The following ZFHX3 variants were observed in gnomAD, a reference collection of about 807,000 sequenced individuals.
ZFHX3 encodes zinc finger homeobox 3.
Under a neutral mutation model 279.1 loss-of-function variants are expected in ZFHX3, and 42 were observed. The observed-to-expected ratio is 0.15, with a 90% CI of 0.12 to 0.19. ZFHX3 has a LOEUF of 0.19. ZFHX3 is among the 10% of genes least tolerant of loss of function. The pLI is 1.00. For missense variants in ZFHX3, 4,981 were observed against 4,754.0 expected (o/e 1.05, Z -1.40); for synonymous variants, 2,293 against 1,957.8 (o/e 1.17, Z -4.52).
In ZFHX3 at chr16:72,788,735, G is replaced by A. The variant is rs145709080; in HGVS notation, c.9541C>T (p.Pro3181Ser). 1 of 1,599,470 alleles carries A rather than the reference G, an allele frequency of 6.3e-7. No homozygotes were observed. The highest frequency in any genetic ancestry group is 1.3e-5 in the African/African-American group (1 of 74,174). The stretch of plus-strand genomic sequence containing the variant: ...GCCATCGTGGCTTGTGCTGGGGTTG[G>A]GGAGCTCAGCGACGCTGAGGACGGT... ...NKPSSASLSS[P>S]TPAQATMAMG... Residue 3181 changes from proline to serine, a missense_variant, in exon 10 of 10, where the codon CCA becomes TCA. Around this residue, in one of 7 missense-constraint regions of ZFHX3, gnomAD observed 1,034 missense variants for 786.0 expected, o/e 1.32. Coordinates refer to ENST00000268489, the MANE Select transcript of ZFHX3 (RefSeq NM_006885.4).
At chr16:73,368,551 C>T (rs1275160739) in intron 3 of ZFHX3, among the ~76,000 whole-genome samples, 4 of 152,130 alleles carry the variant, frequency 2.6e-5, no homozygotes, top group Non-Finnish European at 5.9e-5. Flanking sequence ...ATGATAAATG[C>T]TAAAGTGGGA....
intron 2 of ZFHX3, among the ~76,000 whole-genome samples, chr16:73,651,517 T>C (rs2052669922): frequency 6.6e-6 from 1 of 151,568 alleles, no homozygotes; most frequent in South Asian, 2.1e-4. Flanking sequence ...AGACAATATA[T>C]ACAATCTTAA....
chr16:73,361,741 G>A (rs1029761183), intron 3 of ZFHX3, among the ~76,000 whole-genome samples: 1 of 152,016 alleles, frequency 6.6e-6, no homozygotes. Flanking sequence ...ACACAAATAT[G>A]TACTCATAGA....
At chr16:73,174,925 T>A (rs908111128) in intron 5 of ZFHX3, among the ~76,000 whole-genome samples, 1 of 147,212 alleles carries the variant, frequency 6.8e-6, no homozygotes, top group African/African-American at 2.5e-5. Flanking sequence ...TCCCAGCTAC[T>A]CGGGAGGCAG....
intron 1 of ZFHX3, among the ~76,000 whole-genome samples, chr16:73,025,440 CAGT>C (rs1443079693): frequency 6.6e-6 from 1 of 152,222 alleles, no homozygotes; most frequent in African/African-American, 2.4e-5. Flanking sequence ...TAAGCAGCAG[CAGT>C]GAGTTAAGTG....
intron 2 of ZFHX3, among the ~76,000 whole-genome samples, chr16:73,553,290 G>A (rs889378479): frequency 6.6e-6 from 1 of 151,572 alleles, no homozygotes; most frequent in African/African-American, 2.4e-5. Context: ...TTTTGAAATG[G>A]CTCATTGAAC....
chr16:73,356,437 C>T (rs1237331543), intron 3 of ZFHX3, among the ~76,000 whole-genome samples: 2 of 152,092 alleles, frequency 1.3e-5, no homozygotes, highest in South Asian at 2.1e-4. Context: ...TTGGCAAAGT[C>T]GGTGCTCTGT....
intron 2 of ZFHX3, among the ~76,000 whole-genome samples, chr16:73,561,622 C>T (rs1188398800): frequency 6.7e-6 from 1 of 150,256 alleles, no homozygotes; most frequent in Admixed American, 6.6e-5. Context: ...TGGAATTTTT[C>T]AAGTTCAAAA....
intron 2 of ZFHX3, among the ~76,000 whole-genome samples, chr16:73,502,430 A>G (rs1305364356): frequency 6.6e-6 from 1 of 152,252 alleles, no homozygotes. Flanking sequence ...TAATAGGGTC[A>G]GAAATGGGCC....
chr16:73,219,672 G>C (rs908383568), intron 5 of ZFHX3, among the ~76,000 whole-genome samples: 1 of 152,222 alleles, frequency 6.6e-6, no homozygotes. Context: ...GCAGTGAGTA[G>C]AGAGTACTGT....
chr16:72,923,000 A>G (rs1317624776), intron 3 of ZFHX3, among the ~76,000 whole-genome samples: 1 of 152,214 alleles, frequency 6.6e-6, no homozygotes, highest in Non-Finnish European at 1.5e-5. Context: ...AAGGCACTAT[A>G]CTATACATGA....
chr16:73,435,195 CTT>C (rs1360438702), intron 3 of ZFHX3, among the ~76,000 whole-genome samples: 1 of 152,082 alleles, frequency 6.6e-6, no homozygotes, highest in African/African-American at 2.4e-5. Flanking sequence ...GCTTGGGACT[CTT>C]GATATTTTGA....
intron 4 of ZFHX3, among the ~76,000 whole-genome samples, chr16:73,311,497 C>T (rs1261348349): frequency 9.5e-5 from 14 of 146,788 alleles, no homozygotes; most frequent in South Asian, 6.5e-4. Context: ...AGCTGAGGCA[C>T]GAGAATCATT....
intron 3 of ZFHX3, among the ~76,000 whole-genome samples, chr16:73,343,868 A>T (rs995097836): frequency 1.3e-5 from 2 of 152,252 alleles, no homozygotes; most frequent in African/African-American, 4.8e-5. Context: ...CTACTAATAT[A>T]AATGGATGCA....
chr16:73,121,520 C>T (rs551713024), intron 7 of ZFHX3, among the ~76,000 whole-genome samples: 1 of 152,280 alleles, frequency 6.6e-6, no homozygotes, highest in South Asian at 2.1e-4. Flanking sequence ...GAACAGTTTT[C>T]CCAATCACTC....
chr16:73,693,052 T>C (rs1279858687), intron 1 of ZFHX3, among the ~76,000 whole-genome samples: 2 of 152,152 alleles, frequency 1.3e-5, no homozygotes, highest in Non-Finnish European at 2.9e-5. Flanking sequence ...GCAGCAGCTA[T>C]GACTCTCTAG....
intron 1 of ZFHX3, among the ~76,000 whole-genome samples, chr16:73,847,917 T>G (rs2142376412): frequency 6.9e-6 from 1 of 145,390 alleles, no homozygotes; most frequent in Non-Finnish European, 1.5e-5. Flanking sequence ...TTTTTTTTTT[T>G]TTTTTTTTTT....
intron 3 of ZFHX3, among the ~76,000 whole-genome samples, chr16:73,319,161 A>G (rs1035169109): frequency 6.6e-6 from 1 of 152,106 alleles, no homozygotes; most frequent in Non-Finnish European, 1.5e-5. Context: ...TAGATGCGCC[A>G]TGTGCAAGAA....
intron 3 of ZFHX3, among the ~76,000 whole-genome samples, chr16:72,939,348 G>A (rs1313767824): frequency 6.6e-6 from 1 of 152,154 alleles, no homozygotes; most frequent in East Asian, 1.9e-4. Flanking sequence ...TAAAGAATCT[G>A]GAACATGAAA....
Sources: gnomAD v4.1 joint callset for allele counts (sites outside exome capture counted in the v4.1 genomes callset) on GRCh38, gnomAD v4.1.1 for gene constraint, gnomAD v4.1.1 regional missense constraint, MANE v1.5 for transcripts, NCBI Gene and HGNC (gene_info 2026-07-23, HGNC 2026-07-21) for gene names.